The following GAD1 variants were observed in gnomAD, a reference collection of about 807,000 sequenced individuals.
GAD1 encodes 67 kDa glutamic acid decarboxylase.
GAD1 carries 35 observed loss-of-function variants against 75.2 expected under a neutral mutation model. The ratio of observed to expected loss-of-function variants is 0.47; its 90% CI spans 0.36 to 0.62. GAD1 has a LOEUF of 0.62. GAD1 is among the 20% of genes least tolerant of loss of function. The pLI, the probability that GAD1 is intolerant of heterozygous loss-of-function variation, is 0.00. For missense variants in GAD1, 490 were observed against 758.5 expected, an observed-to-expected ratio of 0.65 and a Z score of 4.16; for synonymous variants, 257 against 271.9, an observed-to-expected ratio of 0.95 and a Z score of 0.54.
chr2:170,818,446 C>T lies in GAD1; in HGVS notation c.-63-83C>T. 1.3e-6 allele frequency: 1 copy of T among 764,078 alleles called. No homozygotes were observed. Among genetic ancestry groups the T allele is most frequent in the Non-Finnish European group, 2.4e-6 (1 of 423,010 alleles). The allele number at this position is 764,078 out of a possible 1,614,324, so 47.3% of individuals were successfully genotyped here. A position where few individuals can be genotyped will look rare whatever the true frequency, so the allele number is the denominator to read the frequency against. ...TCCAGAGCCGGATCTTCAAGGGGAG[C>T]CTCCGTGCCCCCGGCTGCTCAGTCC... On this transcript the variant is annotated intron_variant, in intron 1 of 16. Transcript: ENST00000358196. The surrounding 1 kb of genome is among the most constrained non-coding windows in gnomAD (Gnocchi z 5.9).
intron 3 of GAD1, chr2:170,829,005 C>T (rs1288953768): frequency 1.1e-5 from 3 of 275,824 alleles, no homozygotes; most frequent in African/African-American, 4.5e-5. Context: ...ACCTCTCCTC[C>T]TCCCTCTGCT....
Position 170,860,065 on chromosome 2 carries a change from T to A in GAD1, c.*183T>A. ...CTAGTTAGCAGGAAATAGTGTTCTTTTTAAAAAGTTGCACATTAGGAACAG... is the reference window on the plus strand; with the variant it reads ...CTAGTTAGCAGGAAATAGTGTTCTTATTAAAAAGTTGCACATTAGGAACAG... On this transcript the variant is annotated 3_prime_UTR_variant, in exon 17 of 17. Transcript: ENST00000358196. The A allele has an allele frequency of 1.5e-6, 1 of 654,262 alleles. No homozygotes were observed. The highest frequency in any genetic ancestry group is 2.7e-6 in the Non-Finnish European group (1 of 377,010). The allele number at this position is 654,262 out of a possible 1,614,324, so 40.5% of individuals were successfully genotyped here.
At chr2:170,832,664 G>T (rs1548901) in intron 5 of GAD1, among the ~76,000 whole-genome samples, 1 of 78,912 alleles carries the variant, frequency 1.3e-5, no homozygotes, top group African/African-American at 3.8e-5. Context: ...GCGCGCGCGC[G>T]CACACACACA....
intron 6 of GAD1, chr2:170,842,762 T>C: frequency 6.7e-7 from 1 of 1,502,766 alleles, no homozygotes; most frequent in Non-Finnish European, 8.9e-7. Flanking sequence ...CCAACATATC[T>C]GAGGATCCTT....
Position 170,853,678 on chromosome 2 carries a change from A to T in GAD1, c.1264-195A>T. 1 of 593,878 alleles carries T rather than the reference A, an allele frequency of 1.7e-6. No individual in the cohort carries two copies. 36.8% of individuals were successfully genotyped at this position (593,878 alleles called of 1,614,324 possible). ...AAGATCATCTTCTAATCAGAGAGTCAGAGACAAAAGGGATGGCAGTTTTTC... is the reference window on the plus strand; with the variant it reads ...AAGATCATCTTCTAATCAGAGAGTCTGAGACAAAAGGGATGGCAGTTTTTC... On this transcript the variant is annotated intron_variant, in intron 13 of 16. Coordinates refer to ENST00000358196, the MANE Select transcript of GAD1 (RefSeq NM_000817.3). The surrounding 1 kb of genome is among the most constrained non-coding windows in gnomAD (Gnocchi z 4.1).
At chr2:170,845,879 A>C in intron 9 of GAD1, 94 bp downstream of exon 9, 2 of 1,464,276 alleles carry the variant, frequency 1.4e-6, no homozygotes, top group Non-Finnish European at 1.9e-6. Context: ...GGCTCAGTAC[A>C]TTGTGCCAAG....
intron 11 of GAD1, chr2:170,848,940 T>C (rs1034084158): frequency 9.5e-6 from 4 of 420,978 alleles, no homozygotes; most frequent in Non-Finnish European, 1.8e-5. Flanking sequence ...TTTGAGCAGC[T>C]TCCAGAGCCA....
chr2:170,839,071 G>C (rs757379543), intron 6 of GAD1, among the ~76,000 whole-genome samples: 1 of 152,216 alleles, frequency 6.6e-6, no homozygotes, highest in South Asian at 2.1e-4. Flanking sequence ...TTGCTCCCTT[G>C]TGACAATTCC....
At chr2:170,821,835 G>A in intron 2 of GAD1, 1 of 532,846 alleles carries the variant, frequency 1.9e-6, no homozygotes. Flanking sequence ...GCCCGGAGGG[G>A]CGCCGGGTGC....
chr2:170,847,652 G>A, intron 10 of GAD1, 24 bp from the exon 11 acceptor site: 1 of 1,420,820 alleles, frequency 7.0e-7, no homozygotes, highest in Non-Finnish European at 1.0e-6. Flanking sequence ...ATACTCATCA[G>A]CCTATATCTG....
chr2:170,859,001 C>T, intron 16 of GAD1, 108 bp downstream of exon 16: 1 of 1,031,618 alleles, frequency 9.7e-7, no homozygotes, highest in Non-Finnish European at 1.5e-6. Flanking sequence ...AAAAATAAAG[C>T]CTTGGGGTGG....
chr2:170,842,493 A>G, intron 6 of GAD1: 1 of 1,284,890 alleles, frequency 7.8e-7, no homozygotes, highest in Non-Finnish European at 1.1e-6. Flanking sequence ...TTAAAAGCCC[A>G]TCATGAGTTT....
chr2:170,839,890 AG>A (rs1702468785), intron 6 of GAD1, among the ~76,000 whole-genome samples: 1 of 152,190 alleles, frequency 6.6e-6, no homozygotes, highest in African/African-American at 2.4e-5. Context: ...CTTTGCTATG[AG>A]GTTATGATTT....
At chr2:170,844,984 T>G (rs1290143977) in intron 7 of GAD1, among the ~76,000 whole-genome samples, 1 of 152,204 alleles carries the variant, frequency 6.6e-6, no homozygotes, top group Non-Finnish European at 1.5e-5. Flanking sequence ...TGTTCTTATT[T>G]TAATAAACTT....
chr2:170,824,957 T>C (rs887703738), intron 3 of GAD1, among the ~76,000 whole-genome samples: 8 of 152,020 alleles, frequency 5.3e-5, no homozygotes, highest in Admixed American at 3.9e-4. Flanking sequence ...TGTGTATGTA[T>C]GTGTGTGTAA....
intron 2 of GAD1, among the ~76,000 whole-genome samples, chr2:170,819,956 C>G (rs1701821149): frequency 1.4e-5 from 1 of 69,724 alleles, no homozygotes; most frequent in East Asian, 3.1e-4. Context: ...GCTCCCTCTT[C>G]CCGCCACCCA....
At chr2:170,829,170 T>A (rs1702153022) in intron 3 of GAD1, 3 of 428,804 alleles carry the variant, frequency 7.0e-6, no homozygotes, top group Non-Finnish European at 1.3e-5. Flanking sequence ...GGCTGGTCAC[T>A]GGAGTGGAAG....
chr2:170,830,697 C>T (rs574183715), intron 4 of GAD1, among the ~76,000 whole-genome samples: 8 of 152,348 alleles, frequency 5.3e-5, no homozygotes, highest in South Asian at 2.1e-4. Context: ...AGGTTGTTCA[C>T]GGCGTCTCAG....
chr2:170,860,055 T>C lies in GAD1; in HGVS notation c.*173T>C. On this transcript the variant is annotated 3_prime_UTR_variant, in exon 17 of 17. Coordinates refer to ENST00000358196, the MANE Select transcript of GAD1 (RefSeq NM_000817.3). ...CTTGTTTGTTCTAGTTAGCAGGAAA[T>C]AGTGTTCTTTTTAAAAAGTTGCACA... 1 of 683,830 alleles carries C rather than the reference T, an allele frequency of 1.5e-6. No individual in the cohort carries two copies. The highest frequency in any genetic ancestry group is 2.7e-5 in the East Asian group (1 of 36,378). The allele number at this position is 683,830 out of a possible 1,614,324, so 42.4% of individuals were successfully genotyped here. A position where few individuals can be genotyped will look rare whatever the true frequency, so the allele number is the denominator to read the frequency against.
Sources: gnomAD v4.1 joint callset for allele counts (sites outside exome capture counted in the v4.1 genomes callset) on GRCh38, gnomAD v4.1.1 for gene constraint, Gnocchi (gnomAD v3.1) non-coding constraint, MANE v1.5 for transcripts, NCBI Gene and HGNC (gene_info 2026-07-23, HGNC 2026-07-21) for gene names.